The following P3H2 variants were observed in gnomAD, a reference collection of about 807,000 sequenced individuals.
P3H2 encodes leprecan-like 1.
A neutral mutation model predicts 87.0 loss-of-function variants in P3H2; 80 were observed. That is an observed-to-expected ratio of 0.92 (90% CI 0.77 to 1.11). P3H2 has a LOEUF of 1.11. Ranked by LOEUF, P3H2 falls within the 50% of genes least tolerant of loss-of-function variation. The pLI is 0.00. For missense variants in P3H2, 1,001 were observed against 923.9 expected (o/e 1.08, Z -1.08); for synonymous variants, 367 against 359.3 (o/e 1.02, Z -0.24).
intron 14 of P3H2, among the ~76,000 whole-genome samples, chr3:189,959,385 C>T (rs1328759466): frequency 6.8e-6 from 1 of 146,578 alleles, no homozygotes; most frequent in African/African-American, 2.5e-5. Flanking sequence ...AGGTATATCT[C>T]CCAATGCTAT....
In P3H2 at chr3:189,958,008, C is replaced by CA. The variant is rs759069541; in HGVS notation, c.2035-5dup. On this transcript the variant is annotated splice_region_variant and splice_polypyrimidine_tract_variant and intron_variant, in intron 14 of 14. Transcript: ENST00000319332. ...CTTCATCAGCCTGTATTCGCTCCTGCAAAAAAGACAATTTACACATTTCTG... is the reference window on the plus strand; with the variant it reads ...CTTCATCAGCCTGTATTCGCTCCTGCAAAAAAAGACAATTTACACATTTCTG... The CA allele has an allele frequency of 4.4e-6, 7 of 1,604,670 alleles. No homozygotes were observed. Among genetic ancestry groups the CA allele is most frequent in the African/African-American group, 4.0e-5 (3 of 74,744 alleles).
rs527903098 is a variant in P3H2 at position 190,068,441 on chromosome 3, C to G, written c.480+51811G>C. On this transcript the variant is annotated intron_variant, in intron 1 of 14. Transcript: ENST00000319332. The stretch of plus-strand genomic sequence containing the variant: ...GAGGGTGGACTCAGCCCCCTGGACA[C>G]ACACATATGTTGGTGGGAAGTTACC... 6.6e-5 allele frequency among the ~76,000 whole-genome samples: 10 copies of G among 152,268 alleles called. No homozygotes were observed. In the South Asian group the frequency reaches 2.1e-3, roughly 32 times the overall value.
chr3:189,973,511 CTTTTTTTTTTTT>C (rs869099221), intron 10 of P3H2, among the ~76,000 whole-genome samples: 373 of 35,486 alleles, frequency 0.011, 2 homozygotes, highest in African/African-American at 0.032. Context: ...TTCTTTCTTT[CTTTTTTTTTTTT>C]TTTTTTTTTT....
chr3:190,087,407 G>A (rs953068988), intron 1 of P3H2, among the ~76,000 whole-genome samples: 11 of 151,836 alleles, frequency 7.2e-5, no homozygotes, highest in East Asian at 3.9e-4. Flanking sequence ...AGCTGGGTGT[G>A]GTGGCGGGCG....
chr3:190,118,867 C>T (rs180865831), intron 1 of P3H2, among the ~76,000 whole-genome samples: 12 of 151,668 alleles, frequency 7.9e-5, no homozygotes, highest in Admixed American at 7.9e-4. Flanking sequence ...CGGAGACGGA[C>T]GGGTCACCTG....
intron 1 of P3H2, among the ~76,000 whole-genome samples, chr3:190,053,709 C>T (rs1381587770): frequency 3.3e-5 from 5 of 152,102 alleles, no homozygotes; most frequent in Non-Finnish European, 5.9e-5. Context: ...CCACGCGCCT[C>T]GGCCTCCCAA....
chr3:190,102,396 A>C (rs1711661664), intron 1 of P3H2, among the ~76,000 whole-genome samples: 1 of 152,218 alleles, frequency 6.6e-6, no homozygotes, highest in Non-Finnish European at 1.5e-5. Context: ...GAAGGTCAAA[A>C]TTTCAACATT....
chr3:190,025,405 A>C (rs1560367804), intron 1 of P3H2, among the ~76,000 whole-genome samples: 2 of 152,136 alleles, frequency 1.3e-5, no homozygotes, highest in Non-Finnish European at 2.9e-5. Flanking sequence ...AAGACTGTAC[A>C]CTCTAAAACT....
chr3:190,045,455 A>G (rs1176943916), intron 1 of P3H2, among the ~76,000 whole-genome samples: 5 of 152,082 alleles, frequency 3.3e-5, no homozygotes, highest in African/African-American at 1.2e-4. Context: ...GCTGCCTTTT[A>G]TTCATTTTTC....
At chr3:190,089,353 C>G (rs6444419) in intron 1 of P3H2, among the ~76,000 whole-genome samples, 46,239 of 152,056 alleles carry the variant, frequency 0.3, 8,487 homozygotes, top group African/African-American at 0.52. Context: ...ATGTACGCTA[C>G]AACTTAAAGT....
intron 12 of P3H2, 37 bp downstream of exon 12, chr3:189,971,853 G>A: frequency 2.4e-6 from 3 of 1,256,564 alleles, no homozygotes; most frequent in Non-Finnish European, 3.5e-6. Context: ...AAAACTGTTA[G>A]GTAAAAGCTT....
At position 190,034,224 on chromosome 3, in the gene P3H2, A is replaced by T. The variant is rs1378731238; in HGVS notation, c.481-38782T>A. On this transcript the variant is annotated intron_variant, in intron 1 of 14. Transcript: ENST00000319332. ...TAGTTGAAATAATCACATATGAATA[A>T]TTGTTCCTCATAAACTCTGTCAAAA... 8.1e-5 allele frequency among the ~76,000 whole-genome samples: 4 copies of T among 49,328 alleles called. No homozygotes were observed. The East Asian group carries it at 2.4e-3, about 29-fold the overall frequency. 32.4% of individuals were successfully genotyped at this position (49,328 alleles called of 152,430 possible). A position where few individuals can be genotyped will look rare whatever the true frequency, so the allele number is the denominator to read the frequency against.
In P3H2 at chr3:189,965,983, GAAAGAAAGA is replaced by G. The variant is rs1560338703; in HGVS notation, c.1894-1894_1894-1886del. On this transcript the variant is annotated intron_variant, in intron 13 of 14. Coordinates refer to ENST00000319332, the MANE Select transcript of P3H2 (RefSeq NM_018192.4). Reference sequence around the variant, plus strand: ...TCTGGGTGACAGAAAAAAAAAAAAAGAAAGAAAGAAAAGAAAGAAGAGAGGGAGAGAAAG... The same window carrying G: ...TCTGGGTGACAGAAAAAAAAAAAAAGAAAGAAAGAAGAGAGGGAGAGAAAG... 5.9e-4 allele frequency among the ~76,000 whole-genome samples: 70 copies of G among 119,368 alleles called. 1 individual carries two copies. The highest frequency in any genetic ancestry group is 2.7e-4 in the Non-Finnish European group (15 of 54,980). The allele number at this position is 119,368 out of a possible 152,430, so 78.3% of individuals were successfully genotyped here. A position where few individuals can be genotyped will look rare whatever the true frequency, so the allele number is the denominator to read the frequency against.
intron 1 of P3H2, among the ~76,000 whole-genome samples, chr3:190,087,063 G>C (rs989016843): frequency 2.0e-5 from 3 of 152,104 alleles, no homozygotes; most frequent in African/African-American, 7.2e-5. Flanking sequence ...TCTCCACTTT[G>C]AAAATCCAGC....
chr3:189,971,832 T>C (rs1723186336), intron 12 of P3H2, 58 bp downstream of exon 12: 4 of 1,052,980 alleles, frequency 3.8e-6, no homozygotes, highest in Admixed American at 1.7e-5. Flanking sequence ...CTTTCCAGTT[T>C]TCACTGCTTG....
Position 190,015,621 on chromosome 3 carries a change from C to A in P3H2, c.481-20179G>T, listed in dbSNP as rs182738541. ...CTACTCCTCAAGATAAAATACCTCC[C>A]CAAGAGTAGGTCCAGCATTTCTGAT... On this transcript the variant is annotated intron_variant, in intron 1 of 14. Coordinates refer to ENST00000319332, the MANE Select transcript of P3H2 (RefSeq NM_018192.4). Among the ~76,000 whole-genome samples the A allele has an allele frequency of 4.6e-5, 7 of 152,176 alleles. No homozygotes were observed. In the East Asian group the frequency reaches 1.4e-3, roughly 29 times the overall value.
At chr3:190,018,266 A>G (rs1395940077) in intron 1 of P3H2, among the ~76,000 whole-genome samples, 1 of 152,234 alleles carries the variant, frequency 6.6e-6, no homozygotes, top group Non-Finnish European at 1.5e-5. Context: ...GCACATTTCT[A>G]CAAAATAATA....
At chr3:190,093,203 G>A (rs147984207) in intron 1 of P3H2, among the ~76,000 whole-genome samples, 15 of 152,322 alleles carry the variant, frequency 9.8e-5, no homozygotes, top group East Asian at 1.9e-4. Flanking sequence ...CATGCAGTGC[G>A]AATACATAGT....
upstream of P3H2, chr3:190,121,477 C>G (rs780534276): frequency 2.8e-4 from 42 of 152,210 alleles, no homozygotes; most frequent in Non-Finnish European, 5.4e-4. Context: ...ACGGACCCAA[C>G]CCAGGGCCTT....
Sources: gnomAD v4.1 joint callset for allele counts (sites outside exome capture counted in the v4.1 genomes callset) on GRCh38, gnomAD v4.1.1 for gene constraint, MANE v1.5 for transcripts, NCBI Gene and HGNC (gene_info 2026-07-23, HGNC 2026-07-21) for gene names.